The following PTPN13 variants were observed in gnomAD, a reference collection of about 807,000 sequenced individuals.
PTPN13 encodes the protein protein tyrosine phosphatase non-receptor type 13, also known as tyrosine-protein phosphatase non-receptor type 13.
In PTPN13, 191 loss-of-function variants were observed where a neutral mutation model predicts 284.0. The ratio of observed to expected loss-of-function variants is 0.67; its 90% CI spans 0.60 to 0.76. The LOEUF (loss-of-function observed/expected upper bound fraction) is 0.76. Ranked by LOEUF, PTPN13 falls within the 30% of genes least tolerant of loss-of-function variation. The probability of loss-of-function intolerance (pLI) is 0.00; values close to 1 mark genes in which losing one functional copy is unlikely to be tolerated. For synonymous variants in PTPN13, 986 were observed against 1,022.3 expected, an observed-to-expected ratio of 0.96 and a Z score of 0.68; for missense variants, 2,797 against 2,939.9, an observed-to-expected ratio of 0.95 and a Z score of 1.12.
Position 86,631,871 on chromosome 4 carries a change from A to T in PTPN13, c.-5-3381A>T, listed in dbSNP as rs577804651. ...ATATTTTAAAACCCAATTTATTTTT[A>T]AAAAGTAAGGAAAAACAGTATCTTA... On this transcript the variant is annotated intron_variant, in intron 1 of 47. Transcript: ENST00000411767. Among the ~76,000 whole-genome samples the T allele has an allele frequency of 4.6e-5, 7 of 152,234 alleles. No individual in the cohort carries two copies. In the South Asian group the frequency reaches 1.5e-3, roughly 32 times the overall value.
At chr4:86,684,471 G>A (rs1293150598) in intron 3 of PTPN13, among the ~76,000 whole-genome samples, 1 of 152,040 alleles carries the variant, frequency 6.6e-6, no homozygotes, top group Non-Finnish European at 1.5e-5. Context: ...TGGAAATAGA[G>A]GAAGGTCACA....
rs745890980 is a variant in PTPN13, at chr4:86,807,809, T to C, written c.6995T>C (p.Met2332Thr). Residue 2332 changes from methionine (M) to threonine (T), a missense_variant, in exon 45 of 48, where the codon ATG becomes ACG. Coordinates refer to ENST00000411767, the MANE Select transcript of PTPN13 (RefSeq NM_080683.3). ...YWPNILGKTT[M>T]VSNRLRLALV... ...CCCAACATCCTAGGCAAAACAACAATGGTCAGCAACAGACTTCGACTGGCT... is the reference window on the plus strand; with the variant it reads ...CCCAACATCCTAGGCAAAACAACAACGGTCAGCAACAGACTTCGACTGGCT... 6.9e-5 allele frequency: 112 copies of C among 1,613,942 alleles called. 1 individual carries two copies. The Middle Eastern group carries it at 4.1e-3, about 59-fold the overall frequency.
intron 5 of PTPN13, among the ~76,000 whole-genome samples, chr4:86,693,240 CTT>C (rs912620620): frequency 2.6e-5 from 4 of 151,954 alleles, no homozygotes; most frequent in African/African-American, 4.8e-5. Context: ...TATAAACTAA[CTT>C]AAGAGTAGTT....
intron 36 of PTPN13, among the ~76,000 whole-genome samples, chr4:86,780,727 G>A (rs933584315): frequency 3.3e-5 from 5 of 151,996 alleles, no homozygotes; most frequent in Admixed American, 1.3e-4. Context: ...AAAAACTGTT[G>A]AACTGAAAAA....
chr4:86,662,823 G>A (rs1220246596), intron 2 of PTPN13, among the ~76,000 whole-genome samples: 3 of 152,156 alleles, frequency 2.0e-5, no homozygotes, highest in African/African-American at 7.2e-5. Flanking sequence ...ATCAGACAGG[G>A]TGAGAGATTA....
At chr4:86,688,935 A>C in intron 4 of PTPN13, 70 bp from the exon 5 acceptor site, 1 of 1,258,264 alleles carries the variant, frequency 7.9e-7, no homozygotes. Context: ...TGATTCCTAG[A>C]ATGATTTGTC....
At chr4:86,723,165 C>T (rs991173314) in intron 10 of PTPN13, among the ~76,000 whole-genome samples, 2 of 152,170 alleles carry the variant, frequency 1.3e-5, no homozygotes, top group African/African-American at 4.8e-5. Flanking sequence ...TGTGACTTTA[C>T]TGTGTACTGT....
Position 86,732,576 on chromosome 4 carries a change from A to G in PTPN13, c.1684-16A>G, listed in dbSNP as rs1309417669. On this transcript the variant is annotated splice_polypyrimidine_tract_variant and intron_variant, in intron 11 of 47. Transcript: ENST00000411767. ...ATGCTTATTTTAATAAATGCCGTTT[A>G]TTTTTTCAATTGTAGACTAAGAAAG... 6.2e-7 allele frequency: 1 copy of G among 1,604,698 alleles called. No individual in the cohort carries two copies. The highest frequency in any genetic ancestry group is 2.2e-5 in the East Asian group (1 of 44,700).
At chr4:86,616,099 A>G (rs1187875903) in intron 1 of PTPN13, among the ~76,000 whole-genome samples, 1 of 152,202 alleles carries the variant, frequency 6.6e-6, no homozygotes, top group African/African-American at 2.4e-5. Flanking sequence ...CATTCAGTAA[A>G]TATTTATTGA....
At chr4:86,684,098 G>T (rs1200348844) in intron 3 of PTPN13, among the ~76,000 whole-genome samples, 1 of 138,902 alleles carries the variant, frequency 7.2e-6, no homozygotes, top group Non-Finnish European at 1.6e-5. Flanking sequence ...ACTAAGATAT[G>T]TTAAAAAAAA....
intron 47 of PTPN13, among the ~76,000 whole-genome samples, chr4:86,813,868 C>T (rs1242147848): frequency 6.6e-6 from 1 of 152,062 alleles, no homozygotes; most frequent in Non-Finnish European, 1.5e-5. Flanking sequence ...AGTGGCCCAC[C>T]AATCAAAGAC....
chr4:86,600,009 C>A (rs67928053), intron 1 of PTPN13, among the ~76,000 whole-genome samples: 38,076 of 151,984 alleles, frequency 0.25, 4,852 homozygotes, highest in East Asian at 0.31. Flanking sequence ...TTCCTTTTTG[C>A]TAAAGATCCT....
chr4:86,774,048 T>C (rs1740316184), intron 32 of PTPN13, among the ~76,000 whole-genome samples: 1 of 152,150 alleles, frequency 6.6e-6, no homozygotes, highest in Non-Finnish European at 1.5e-5. Context: ...TATTTTTTGA[T>C]CATCAAAGTA....
intron 2 of PTPN13, among the ~76,000 whole-genome samples, chr4:86,637,088 A>T (rs1723111228): frequency 6.6e-6 from 1 of 152,220 alleles, no homozygotes; most frequent in East Asian, 1.9e-4. Flanking sequence ...GAAGAAATGG[A>T]TAAATTCCTC....
intron 1 of PTPN13, among the ~76,000 whole-genome samples, chr4:86,620,635 T>A (rs1357478894): frequency 6.6e-6 from 1 of 152,224 alleles, no homozygotes; most frequent in Non-Finnish European, 1.5e-5. Flanking sequence ...ATTACTGATA[T>A]AATGAAATTT....
At chr4:86,700,389 C>CT (rs1394003680) in intron 6 of PTPN13, among the ~76,000 whole-genome samples, 1 of 151,886 alleles carries the variant, frequency 6.6e-6, no homozygotes, top group Non-Finnish European at 1.5e-5. Context: ...CATATATATG[C>CT]TTTTTTGTTG....
rs555258654 is a variant in PTPN13, at chr4:86,711,365, T to A, written c.1196-5165T>A. Among the ~76,000 whole-genome samples the A allele has an allele frequency of 1.4e-4, 22 of 152,150 alleles. No homozygotes were observed. In the South Asian group the frequency reaches 4.1e-3, roughly 29 times the overall value. Reference sequence around the variant, plus strand: ...CATTAGTCCTTATTGTTTTCATTCTTTCATGACTATTCTACAAAATGGTTT... The same window carrying A: ...CATTAGTCCTTATTGTTTTCATTCTATCATGACTATTCTACAAAATGGTTT... On this transcript the variant is annotated intron_variant, in intron 7 of 47. Transcript: ENST00000411767.
chr4:86,672,404 C>T lies in PTPN13; in HGVS notation c.155C>T (p.Ser52Phe), dbSNP rs1204679284. Residue 52 changes from serine (S) to phenylalanine (F), a missense_variant, in exon 3 of 48, where the codon TCT (serine) becomes TTT (phenylalanine). Physicochemically the swap from Ser to Phe is radical, Grantham distance 155. Transcript: ENST00000411767. ...CCTGCTGCCCTTGGCTTCATCATTTCTCCATGGTCTCTGCTGTTGCTGCCA... is the reference window on the plus strand; with the variant it reads ...CCTGCTGCCCTTGGCTTCATCATTTTTCCATGGTCTCTGCTGTTGCTGCCA... The part of the protein sequence containing the change: ...ADPAALGFII[S>F]PWSLLLLPSG... The T allele has an allele frequency of 6.4e-7, 1 of 1,557,012 alleles. No individual in the cohort carries two copies. Among genetic ancestry groups the T allele is most frequent in the East Asian group, 2.4e-5 (1 of 41,630 alleles).
chr4:86,683,148 TGC>T (rs1209153686), intron 3 of PTPN13, among the ~76,000 whole-genome samples: 3 of 150,312 alleles, frequency 2.0e-5, no homozygotes, highest in South Asian at 2.1e-4. Context: ...ATAGGGTGTG[TGC>T]GTGTGTGTGT....
Sources: gnomAD v4.1 joint callset for allele counts (sites outside exome capture counted in the v4.1 genomes callset) on GRCh38, gnomAD v4.1.1 for gene constraint, MANE v1.5 for transcripts, NCBI Gene and HGNC (gene_info 2026-07-23, HGNC 2026-07-21) for gene names.